Variants in MAP4 observed in about 807,000 individuals in gnomAD.
MAP4 encodes microtubule associated protein 4.
In MAP4, 76 loss-of-function variants were observed where a neutral mutation model predicts 170.2. The observed-to-expected ratio is 0.45, with a 90% CI of 0.37 to 0.54. The LOEUF (loss-of-function observed/expected upper bound fraction) is 0.54. Ranked by LOEUF, MAP4 falls within the 20% of genes least tolerant of loss-of-function variation. The pLI is 0.00. For synonymous variants in MAP4, 909 were observed against 994.5 expected, an observed-to-expected ratio of 0.91 and a Z score of 1.62; for missense variants, 2,506 against 2,748.0, an observed-to-expected ratio of 0.91 and a Z score of 1.97.
chr3:48,008,713 A>G (rs2100103728), intron 1 of MAP4, among the ~76,000 whole-genome samples: 1 of 152,112 alleles, frequency 6.6e-6, no homozygotes, highest in South Asian at 2.1e-4. Context: ...GGATAGGATG[A>G]CCCATTTTGT....
chr3:47,863,898 C>CTGTGTG (rs138565127), intron 17 of MAP4, among the ~76,000 whole-genome samples: 31 of 131,222 alleles, frequency 2.4e-4, no homozygotes, highest in African/African-American at 8.7e-4. Flanking sequence ...TGCGTTATTT[C>CTGTGTG]TGTGTGTGTG....
intron 1 of MAP4, among the ~76,000 whole-genome samples, chr3:48,003,470 A>C (rs1256559569): frequency 1.3e-5 from 2 of 151,264 alleles, no homozygotes; most frequent in African/African-American, 4.9e-5. Context: ...AAAAAAAAAA[A>C]AAACATATTA....
intron 3 of MAP4, among the ~76,000 whole-genome samples, chr3:47,967,686 G>A (rs987733787): frequency 3.3e-5 from 5 of 152,230 alleles, no homozygotes; most frequent in Admixed American, 2.0e-4. Flanking sequence ...TTTAGGCCGG[G>A]CACAGTGACT....
chr3:47,967,077 C>T (rs1313568706), intron 3 of MAP4, among the ~76,000 whole-genome samples: 2 of 152,216 alleles, frequency 1.3e-5, no homozygotes, highest in South Asian at 2.1e-4. Context: ...TGGCTCATGC[C>T]TGTAATCCCA....
chr3:48,041,337 C>A (rs1377127798), intron 1 of MAP4, among the ~76,000 whole-genome samples: 1 of 151,994 alleles, frequency 6.6e-6, no homozygotes, highest in Non-Finnish European at 1.5e-5. Context: ...GTCTCAAACT[C>A]CTGACCTCAG....
chr3:47,854,121 CAAT>C (rs2050012762), intron 19 of MAP4, among the ~76,000 whole-genome samples: 1 of 152,090 alleles, frequency 6.6e-6, no homozygotes, highest in Non-Finnish European at 1.5e-5. Context: ...CGATTAAAAA[CAAT>C]AATTCCAGAA....
At chr3:47,890,310 G>A (rs2098337053) in intron 10 of MAP4, among the ~76,000 whole-genome samples, 1 of 152,128 alleles carries the variant, frequency 6.6e-6, no homozygotes, top group Non-Finnish European at 1.5e-5. Context: ...TTATTAGGTT[G>A]CAAGTCTCTC....
At chr3:47,921,307 T>C (rs1410586739) in intron 5 of MAP4, among the ~76,000 whole-genome samples, 1 of 152,164 alleles carries the variant, frequency 6.6e-6, no homozygotes, top group Non-Finnish European at 1.5e-5. Context: ...TGTTTGGCAT[T>C]AAACAACTAA....
intron 2 of MAP4, among the ~76,000 whole-genome samples, chr3:47,980,447 C>A (rs2154288170): frequency 6.6e-6 from 1 of 152,224 alleles, no homozygotes; most frequent in South Asian, 2.1e-4. Context: ...CTTTGGAAGA[C>A]CACAAACATG....
chr3:48,039,008 TAGG>T lies in MAP4; in HGVS notation c.-19-40132_-19-40130del, dbSNP rs1216029513. Among the ~76,000 whole-genome samples, 3 of 151,812 alleles carry T rather than the reference TAGG, an allele frequency of 2.0e-5. No homozygotes were observed. In the East Asian group the frequency reaches 5.8e-4, roughly 29 times the overall value. On this transcript the variant is annotated intron_variant, in intron 1 of 18. Coordinates refer to the MAP4 transcript ENST00000360240. Reference sequence around the variant, plus strand: ...TCCCACCTATTTGGGAGGGCTAAGATAGGAGAATTACCTAAGCCTGGGGAGGTA... The same window carrying T: ...TCCCACCTATTTGGGAGGGCTAAGATAGAATTACCTAAGCCTGGGGAGGTA...
chr3:48,029,129 A>T (rs1162536852), intron 1 of MAP4, among the ~76,000 whole-genome samples: 1 of 151,862 alleles, frequency 6.6e-6, no homozygotes, highest in Non-Finnish European at 1.5e-5. Flanking sequence ...TGGGCAACAG[A>T]GTGAGACTCT....
intron 4 of MAP4, among the ~76,000 whole-genome samples, chr3:47,925,859 A>G (rs1476317959): frequency 1.3e-5 from 2 of 152,160 alleles, no homozygotes; most frequent in Non-Finnish European, 2.9e-5. Context: ...AGTACAATTC[A>G]GCGGAATTTT....
At chr3:47,878,947 T>C (rs2096104172) in intron 10 of MAP4, among the ~76,000 whole-genome samples, 2 of 152,214 alleles carry the variant, frequency 1.3e-5, no homozygotes, top group African/African-American at 2.4e-5. Context: ...GTATGACCCA[T>C]AGGCAGGGCT....
chr3:48,009,367 C>T (rs1407448129), intron 1 of MAP4, among the ~76,000 whole-genome samples: 1 of 152,204 alleles, frequency 6.6e-6, no homozygotes, highest in Non-Finnish European at 1.5e-5. Context: ...TCCCAAAGTG[C>T]TGGGATTACA....
chr3:47,911,842 G>A lies in MAP4; in HGVS notation c.2579C>T (p.Pro860Leu). 1 of 1,536,090 alleles carries A rather than the reference G, an allele frequency of 6.5e-7. No homozygotes were observed. The highest frequency in any genetic ancestry group is 8.7e-7 in the Non-Finnish European group (1 of 1,146,892). ...TGCAGTTTTGGGGGCTTCTTCAGAA[G>A]GATATAAAGGAATTCTGAGACTCTC... ...VSESLRIPLYPSEEAPKTAIS... is the reference protein window; with the variant it reads ...VSESLRIPLYLSEEAPKTAIS... The change falls in exon 9 of 21, where the codon CCT (proline) becomes CTT (leucine). Residue 860 changes from proline (P) to leucine (L), a missense_variant. Around this residue, in one of 3 missense-constraint regions of MAP4, gnomAD observed 2,008 missense variants for 2,206.0 expected, o/e 0.91. Transcript: ENST00000683076. The surrounding 1 kb of genome is among the most constrained non-coding windows in gnomAD (Gnocchi z 4.0).
At chr3:47,897,063 C>T (rs1385908110) in intron 10 of MAP4, among the ~76,000 whole-genome samples, 1 of 152,200 alleles carries the variant, frequency 6.6e-6, no homozygotes, top group Non-Finnish European at 1.5e-5. Flanking sequence ...AGGTTTCTGA[C>T]TGCCAGTCTT....
intron 10 of MAP4, chr3:47,891,437 G>A (rs1476702267): frequency 1.3e-6 from 2 of 1,532,516 alleles, no homozygotes; most frequent in African/African-American, 2.7e-5. Context: ...GCGCTTCATA[G>A]CAGGAGCTCC....
chr3:48,081,222 G>A (rs1272868950), intron 1 of MAP4, among the ~76,000 whole-genome samples: 1 of 151,702 alleles, frequency 6.6e-6, no homozygotes, highest in African/African-American at 2.4e-5. Context: ...CCCCGGAGGC[G>A]CAGCTTGCAG....
At position 48,059,150 on chromosome 3, in the gene MAP4, A is replaced by G. The variant is rs184528819; in HGVS notation, c.-20+29623T>C. On this transcript the variant is annotated intron_variant, in intron 1 of 18. Coordinates refer to the MAP4 transcript ENST00000360240. ...AAAGTAGAGTCAGCAGTCAGTAAAA[A>G]CACTTTGTGATTGAATAATTCAAGT... 3.9e-5 allele frequency among the ~76,000 whole-genome samples: 6 copies of G among 152,236 alleles called. 1 individual carries two copies. The South Asian group carries it at 6.2e-4, about 16-fold the overall frequency.
Sources: gnomAD v4.1 joint callset for allele counts (sites outside exome capture counted in the v4.1 genomes callset) on GRCh38, gnomAD v4.1.1 for gene constraint, gnomAD v4.1.1 regional missense constraint, Gnocchi (gnomAD v3.1) non-coding constraint, MANE v1.5 for transcripts, NCBI Gene and HGNC (gene_info 2026-07-23, HGNC 2026-07-21) for gene names.